The following VSX2 variants were observed in gnomAD, a reference collection of about 807,000 sequenced individuals.
The protein encoded by VSX2 is visual system homeobox 2.
In VSX2, 28 loss-of-function variants were observed where a neutral mutation model predicts 32.1. That is an observed-to-expected ratio of 0.87 (90% CI 0.65 to 1.20). The LOEUF is 1.20. VSX2 is among the 50% of genes most tolerant of loss of function. VSX2 has a pLI of 0.00. For synonymous variants in VSX2, 243 were observed against 214.1 expected (o/e 1.14, Z -1.18); for missense variants, 506 against 488.7 (o/e 1.04, Z -0.33).
At chr14:74,253,048 CAAAAAAAA>C in intron 3 of VSX2, among the ~76,000 whole-genome samples, 1 of 95,436 alleles carries the variant, frequency 1.0e-5, no homozygotes, top group Non-Finnish European at 2.2e-5. Context: ...GACTCCATCT[CAAAAAAAA>C]AAAAAAAAAA....
chr14:74,239,468 G>C lies in VSX2; in HGVS notation c.-94G>C. On this transcript the variant is annotated 5_prime_UTR_variant, in exon 1 of 5. Transcript: ENST00000261980. ...CTCCAGAGCATTAGACACCGGAGGG[G>C]GCACCTGGGACCAACTTCGCGAAGC... 1 of 1,522,476 alleles carries C rather than the reference G, an allele frequency of 6.6e-7. No homozygotes were observed. The highest frequency in any genetic ancestry group is 1.2e-5 in the South Asian group (1 of 82,958). The allele number at this position is 1,522,476 out of a possible 1,614,324, so 94.3% of individuals were successfully genotyped here.
intron 2 of VSX2, among the ~76,000 whole-genome samples, chr14:74,242,310 C>T (rs1165206526): frequency 6.6e-6 from 1 of 152,164 alleles, no homozygotes; most frequent in African/African-American, 2.4e-5. Flanking sequence ...CGTTCTCTGG[C>T]ACCCCCGCCG....
At chr14:74,247,329 C>G (rs1394494190) in intron 3 of VSX2, among the ~76,000 whole-genome samples, 1 of 152,210 alleles carries the variant, frequency 6.6e-6, no homozygotes, top group Admixed American at 6.5e-5. Flanking sequence ...GTTAGGGTCA[C>G]TGACTCTGGG....
rs541205317 is a variant in VSX2 at position 74,260,750 on chromosome 14, T to C, written c.917T>C (p.Ile306Thr). The change falls in exon 5 of 5, where the codon ATT becomes ACT. Residue 306 changes from isoleucine to threonine, a missense_variant. Transcript: ENST00000261980. ...CAGGAGGAACTGAGGGAGAACAGCA[T>C]TGCGGTGCTCCGGGCCAAAGCTCAG... The part of the protein sequence containing the change: ...ISQEELRENS[I>T]AVLRAKAQEH... 2 of 1,591,066 alleles carry C rather than the reference T, an allele frequency of 1.3e-6. No individual in the cohort carries two copies. The highest frequency in any genetic ancestry group is 2.3e-5 in the South Asian group (2 of 87,452).
chr14:74,243,073 G>C (rs1024178313), intron 2 of VSX2, among the ~76,000 whole-genome samples: 28 of 152,278 alleles, frequency 1.8e-4, no homozygotes, highest in African/African-American at 6.5e-4. Context: ...GAGGAGAATG[G>C]CTACGGATTT....
rs375237762 is a variant in VSX2, at chr14:74,239,869, T to C, written c.308T>C (p.Val103Ala). 177 of 1,576,716 alleles carry C rather than the reference T, an allele frequency of 1.1e-4. No homozygotes were observed. In the African/African-American group the frequency reaches 2.1e-3, roughly 19 times the overall value. The change falls in exon 1 of 5, where the codon GTC (valine) becomes GCC (alanine). Residue 103 changes from valine to alanine, a missense_variant. Coordinates refer to ENST00000261980, the MANE Select transcript of VSX2 (RefSeq NM_182894.3). Reference sequence around the variant, plus strand: ...GAAGTGCTGTCCGACCCGCAGAGCGTCCACTTGCAGCCATTGGGCAGAGCA... The same window carrying C: ...GAAGTGCTGTCCGACCCGCAGAGCGCCCACTTGCAGCCATTGGGCAGAGCA... ...FLEVLSDPQS[V>A]HLQPLGRASG...
chr14:74,252,648 A>C (rs2079237560), intron 3 of VSX2, among the ~76,000 whole-genome samples: 1 of 151,256 alleles, frequency 6.6e-6, no homozygotes, highest in Non-Finnish European at 1.5e-5. Flanking sequence ...CTCGGCCTCC[A>C]AAAGTGCTAG....
intron 3 of VSX2, among the ~76,000 whole-genome samples, chr14:74,253,048 C>CAA (rs34396021): frequency 0.025 from 2,379 of 95,294 alleles, 88 homozygotes; most frequent in African/African-American, 0.074. Flanking sequence ...GACTCCATCT[C>CAA]AAAAAAAAAA....
At position 74,261,293 on chromosome 14, in the gene VSX2, C is replaced by G. The variant is rs2079306327; in HGVS notation, c.*374C>G. ...GCTCTACATTCTGCTCTGCCCATGC[C>G]TAAAGCCCATTGCTGCAAATGCATT... is the stretch of plus-strand genomic sequence containing the variant. On this transcript the variant is annotated 3_prime_UTR_variant, in exon 5 of 5. Coordinates refer to ENST00000261980, the MANE Select transcript of VSX2 (RefSeq NM_182894.3). 1 of 245,166 alleles carries G rather than the reference C, an allele frequency of 4.1e-6. No individual in the cohort carries two copies. The highest frequency in any genetic ancestry group is 8.0e-6 in the Non-Finnish European group (1 of 125,000). 15.2% of individuals were successfully genotyped at this position (245,166 alleles called of 1,614,324 possible).
intron 4 of VSX2, 80 bp from the exon 5 acceptor site, chr14:74,260,514 C>G: frequency 1.4e-6 from 2 of 1,389,598 alleles, no homozygotes; most frequent in Non-Finnish European, 2.0e-6. Context: ...ATTCTGGCCT[C>G]TCTCTATCTT....
chr14:74,248,393 AAAG>A (rs1399719030), intron 3 of VSX2, among the ~76,000 whole-genome samples: 1 of 151,772 alleles, frequency 6.6e-6, no homozygotes, highest in African/African-American at 2.4e-5. Flanking sequence ...GAAGAAAAGA[AAAG>A]AAATTCCTGG....
chr14:74,260,516 CTCTA>C, intron 4 of VSX2, 74 bp from the exon 5 acceptor site: 1 of 1,409,046 alleles, frequency 7.1e-7, no homozygotes, highest in Non-Finnish European at 9.8e-7. Flanking sequence ...TCTGGCCTCT[CTCTA>C]TCTTTGCCGT....
At chr14:74,253,955 G>A (rs2079245717) in intron 3 of VSX2, among the ~76,000 whole-genome samples, 1 of 151,998 alleles carries the variant, frequency 6.6e-6, no homozygotes, top group Non-Finnish European at 1.5e-5. Context: ...GAAAAGAAAA[G>A]AAAAAGAAAT....
chr14:74,256,355 C>T (rs531046999), intron 3 of VSX2, among the ~76,000 whole-genome samples: 8 of 152,124 alleles, frequency 5.3e-5, no homozygotes, highest in African/African-American at 1.9e-4. Context: ...TGCTTGAATG[C>T]GGAAGGTGGA....
chr14:74,250,601 A>G (rs10142706), intron 3 of VSX2, among the ~76,000 whole-genome samples: 109,192 of 151,976 alleles, frequency 0.72, 41,753 homozygotes, highest in Admixed American at 0.84. Context: ...TAGGGAACAA[A>G]GTATTAGTGG....
chr14:74,243,634 C>A (rs1010339159), intron 2 of VSX2, among the ~76,000 whole-genome samples: 1 of 151,902 alleles, frequency 6.6e-6, no homozygotes, highest in Non-Finnish European at 1.5e-5. Flanking sequence ...ATGGCAGAAG[C>A]GAAAAAGCAG....
chr14:74,256,669 C>CTTT (rs34012116), intron 3 of VSX2, among the ~76,000 whole-genome samples: 6 of 93,050 alleles, frequency 6.4e-5, no homozygotes, highest in Admixed American at 1.1e-4. Context: ...GGGAGTCATA[C>CTTT]TTTTTTTTTT....
chr14:74,261,045 C>A lies in VSX2; in HGVS notation c.*126C>A. 2 of 1,132,454 alleles carry A rather than the reference C, an allele frequency of 1.8e-6. No individual in the cohort carries two copies. The highest frequency in any genetic ancestry group is 2.5e-6 in the Non-Finnish European group (2 of 790,974). The allele number at this position is 1,132,454 out of a possible 1,614,324, so 70.2% of individuals were successfully genotyped here. ...GCCATCCTCCCTGTTCCCCACAGGT[C>A]CTCCATCACCCCTGGTGGCTGCAGG... is the stretch of plus-strand genomic sequence containing the variant. On this transcript the variant is annotated 3_prime_UTR_variant, in exon 5 of 5. Transcript: ENST00000261980.
chr14:74,250,718 G>A (rs1027688976), intron 3 of VSX2, among the ~76,000 whole-genome samples: 2 of 149,102 alleles, frequency 1.3e-5, no homozygotes, highest in South Asian at 2.1e-4. Flanking sequence ...TTTTTTTCTC[G>A]GCTCATTGCA....
Sources: allele counts gnomAD v4.1 joint callset (sites outside exome capture counted in the v4.1 genomes callset), GRCh38; gene constraint gnomAD v4.1.1; transcripts MANE v1.5; gene names NCBI Gene and HGNC (gene_info 2026-07-23, HGNC 2026-07-21).